Variants in RAB27B observed in about 807,000 individuals in gnomAD.
RAB27B encodes ras-related protein Rab-27B.
In RAB27B, 15 loss-of-function variants were observed where a neutral mutation model predicts 24.6. The observed-to-expected ratio is 0.61, with a 90% CI of 0.41 to 0.94. The LOEUF is 0.94. RAB27B is among the 40% of genes least tolerant of loss of function. The pLI, the probability that RAB27B is intolerant of heterozygous loss-of-function variation, is 0.00. For synonymous variants in RAB27B, 105 were observed against 92.5 expected (o/e 1.14, Z -0.78); for missense variants, 261 against 266.8 (o/e 0.98, Z 0.15).
At chr18:54,787,134 G>A (rs1909111391) in intron 2 of RAB27B, among the ~76,000 whole-genome samples, 1 of 152,182 alleles carries the variant, frequency 6.6e-6, no homozygotes, top group Non-Finnish European at 1.5e-5. Flanking sequence ...TTTGGTCTCA[G>A]TCCCCATATC....
chr18:54,763,695 T>C (rs1908269318), intron 2 of RAB27B, among the ~76,000 whole-genome samples: 1 of 152,182 alleles, frequency 6.6e-6, no homozygotes. Context: ...CATTTGAATG[T>C]ATTTGAAAAA....
intron 1 of RAB27B, among the ~76,000 whole-genome samples, chr18:54,831,976 A>T (rs1330618261): frequency 6.6e-6 from 1 of 152,150 alleles, no homozygotes; most frequent in Non-Finnish European, 1.5e-5. Context: ...GGGTTTCACC[A>T]TGTTGGTCGG....
chr18:54,785,533 C>T (rs557983424), intron 2 of RAB27B, among the ~76,000 whole-genome samples: 4 of 149,442 alleles, frequency 2.7e-5, no homozygotes, highest in African/African-American at 9.9e-5. Flanking sequence ...ACTGACTATC[C>T]CCCTCCTTCT....
chr18:54,848,694 C>A (rs922961560), intron 1 of RAB27B, among the ~76,000 whole-genome samples: 23 of 152,160 alleles, frequency 1.5e-4, no homozygotes, highest in African/African-American at 5.5e-4. Context: ...AGTACCTTAC[C>A]AGAATATAAT....
chr18:54,877,234 T>C (rs908206836), intron 1 of RAB27B, among the ~76,000 whole-genome samples: 5 of 152,204 alleles, frequency 3.3e-5, no homozygotes, highest in African/African-American at 1.2e-4. Context: ...TCCCCAGCCA[T>C]GTGGAACTAT....
chr18:54,848,374 A>G (rs1911422426), intron 1 of RAB27B, among the ~76,000 whole-genome samples: 1 of 152,178 alleles, frequency 6.6e-6, no homozygotes, highest in South Asian at 2.1e-4. Flanking sequence ...GGTCCTTTAT[A>G]TCATTAAAAT....
chr18:54,865,072 T>G (rs770441824), intron 1 of RAB27B, among the ~76,000 whole-genome samples: 2 of 152,176 alleles, frequency 1.3e-5, no homozygotes, highest in Non-Finnish European at 2.9e-5. Flanking sequence ...AGAATAATGA[T>G]AGAACAGTAC....
intron 2 of RAB27B, among the ~76,000 whole-genome samples, chr18:54,818,871 AAG>A (rs755428814): frequency 1.3e-5 from 2 of 152,182 alleles, no homozygotes; most frequent in East Asian, 1.9e-4. Flanking sequence ...CTCTTCTGTT[AAG>A]ACTCACACCA....
At chr18:54,789,693 T>C (rs1050934969) in intron 2 of RAB27B, among the ~76,000 whole-genome samples, 1 of 152,152 alleles carries the variant, frequency 6.6e-6, no homozygotes, top group Non-Finnish European at 1.5e-5. Flanking sequence ...TTTGTAACTT[T>C]TACATAGGTT....
Position 54,877,558 on chromosome 18 carries a change from C to G in RAB27B, c.-19-9C>G. On this transcript the variant is annotated splice_polypyrimidine_tract_variant and intron_variant, in intron 1 of 5. Coordinates refer to ENST00000262094, the MANE Select transcript of RAB27B (RefSeq NM_004163.4). ...ATCAAAACATACTTGTTTTCCCTCT[C>G]CTATACAGACCGACCAAGACCATCA... is the stretch of plus-strand genomic sequence containing the variant. 1 of 1,473,424 alleles carries G rather than the reference C, an allele frequency of 6.8e-7. No homozygotes were observed. The highest frequency in any genetic ancestry group is 9.0e-7 in the Non-Finnish European group (1 of 1,116,314). 91.3% of individuals were successfully genotyped at this position (1,473,424 alleles called of 1,614,324 possible). A position where few individuals can be genotyped will look rare whatever the true frequency, so the allele number is the denominator to read the frequency against.
Position 54,888,157 on chromosome 18 carries a change from C to T in RAB27B, c.467+39C>T, listed in dbSNP as rs372541561. On this transcript the variant is annotated intron_variant, in intron 5 of 5. Transcript: ENST00000262094. ...ACTGAGATGGCATGTGACTTGCACA[C>T]TGCTGTTCAGCAAATGGAGCAGAGA... The T allele has an allele frequency of 4.9e-5, 78 of 1,603,672 alleles. 1 individual carries two copies. In the African/African-American group the frequency reaches 9.9e-4, roughly 20 times the overall value.
intron 2 of RAB27B, among the ~76,000 whole-genome samples, chr18:54,788,090 A>G (rs1323778715): frequency 6.6e-6 from 1 of 152,152 alleles, no homozygotes; most frequent in East Asian, 1.9e-4. Context: ...TCCTTGCTTT[A>G]CTTTCTCAGC....
chr18:54,836,309 T>C (rs1910891669), intron 1 of RAB27B, among the ~76,000 whole-genome samples: 1 of 151,978 alleles, frequency 6.6e-6, no homozygotes, highest in Non-Finnish European at 1.5e-5. Context: ...TTTCCATGGT[T>C]CTGATTCCTT....
intron 2 of RAB27B, among the ~76,000 whole-genome samples, chr18:54,744,348 A>G (rs1347499565): frequency 6.6e-6 from 1 of 152,198 alleles, no homozygotes; most frequent in Non-Finnish European, 1.5e-5. Context: ...TTCCTTTAAG[A>G]TTTGGGCTAT....
intron 2 of RAB27B, among the ~76,000 whole-genome samples, chr18:54,806,029 A>C (rs1378313930): frequency 2.0e-5 from 3 of 152,214 alleles, no homozygotes; most frequent in Admixed American, 6.5e-5. Flanking sequence ...CTGTTTCATC[A>C]TGACCCATTG....
intron 3 of RAB27B, chr18:54,879,890 A>C (rs576970978): frequency 3.1e-4 from 49 of 156,178 alleles, no homozygotes; most frequent in African/African-American, 1.1e-3. Context: ...TTGTCCTTTC[A>C]GACTTTGATC....
chr18:54,831,277 A>G (rs1910664355), intron 1 of RAB27B, among the ~76,000 whole-genome samples: 1 of 152,102 alleles, frequency 6.6e-6, no homozygotes, highest in Non-Finnish European at 1.5e-5. Context: ...TATGTGGAGG[A>G]AGAGCATTCT....
chr18:54,850,349 T>C (rs1331472580), intron 1 of RAB27B, among the ~76,000 whole-genome samples: 2 of 133,378 alleles, frequency 1.5e-5, no homozygotes, highest in African/African-American at 3.1e-5. Context: ...TATATATATA[T>C]ATATATATAT....
chr18:54,861,774 G>A (rs1195919458), intron 1 of RAB27B, among the ~76,000 whole-genome samples: 1 of 152,148 alleles, frequency 6.6e-6, no homozygotes, highest in Non-Finnish European at 1.5e-5. Flanking sequence ...GCACTGGGGA[G>A]TTTTTAAAGC....
Sources: allele counts gnomAD v4.1 joint callset (sites outside exome capture counted in the v4.1 genomes callset), GRCh38; gene constraint gnomAD v4.1.1; transcripts MANE v1.5; gene names NCBI Gene and HGNC (gene_info 2026-07-23, HGNC 2026-07-21).